Variants in ESR2 observed in about 807,000 individuals in gnomAD.
The protein encoded by ESR2 is estrogen receptor 2, also known as estrogen receptor beta.
A neutral mutation model predicts 49.6 loss-of-function variants in ESR2; 36 were observed. The ratio of observed to expected loss-of-function variants is 0.73; its 90% CI spans 0.56 to 0.96. ESR2 has a LOEUF of 0.96. ESR2 is among the 40% of genes least tolerant of loss of function. The probability of loss-of-function intolerance (pLI) is 0.00; values close to 1 mark genes in which losing one functional copy is unlikely to be tolerated. For synonymous variants in ESR2, 320 were observed against 266.1 expected, an observed-to-expected ratio of 1.20 and a Z score of -1.97; for missense variants, 714 against 693.0, an observed-to-expected ratio of 1.03 and a Z score of -0.34.
chr14:64,253,473 G>A (rs151216263), intron 6 of ESR2, among the ~76,000 whole-genome samples: 79 of 152,244 alleles, frequency 5.2e-4, no homozygotes, highest in African/African-American at 1.8e-3. Context: ...TTACAGGCGT[G>A]AGCCACCGTG....
intron 7 of ESR2, among the ~76,000 whole-genome samples, chr14:64,237,887 T>A (rs1208941559): frequency 6.6e-6 from 1 of 151,656 alleles, no homozygotes; most frequent in Admixed American, 6.6e-5. Context: ...GGATAGGGAG[T>A]GGGAAATGAT....
At chr14:64,279,846 T>C in intron 3 of ESR2, 135 bp downstream of exon 3, 1 of 745,668 alleles carries the variant, frequency 1.3e-6, no homozygotes, top group East Asian at 2.5e-5. Context: ...CAAACACACA[T>C]GATCCTCTGA....
Position 64,313,986 on chromosome 14 carries a change from C to T in ESR2, c.-91+23912G>A, listed in dbSNP as rs544792118. Among the ~76,000 whole-genome samples the T allele has an allele frequency of 3.9e-5, 6 of 152,060 alleles. No individual in the cohort carries two copies. The East Asian group carries it at 5.8e-4, about 15-fold the overall frequency. Reference sequence around the variant, plus strand: ...GATAGAATGAGATAGATAATCAGCACGAACATAGAAAAACTCAACCACACC... The same window carrying T: ...GATAGAATGAGATAGATAATCAGCATGAACATAGAAAAACTCAACCACACC... On this transcript the variant is annotated intron_variant, in intron 1 of 8. Coordinates refer to the ESR2 transcript ENST00000358599.
chr14:64,290,892 C>G (rs1223620471), intron 1 of ESR2, among the ~76,000 whole-genome samples: 1 of 152,016 alleles, frequency 6.6e-6, no homozygotes, highest in Non-Finnish European at 1.5e-5. Flanking sequence ...TCCTAGTAAC[C>G]AATTGGCGCT....
rs903342336 is a variant in ESR2 at position 64,282,884 on chromosome 14, G to A, written c.102C>T (p.Ser34=). The part of the protein sequence containing the change: ...PLEHGSIYIP[S]SYVDSHHEYP... ...ATTCATGGTGGCTGTCTACATAGGA[G>A]GAAGGTATGTATATGGAGCCGTGCT... Residue 34 remains serine, a synonymous_variant, in exon 2 of 9, where the codon TCC becomes TCT. Transcript: ENST00000341099. 6.2e-7 allele frequency: 1 copy of A among 1,614,078 alleles called. No individual in the cohort carries two copies. Among genetic ancestry groups the A allele is most frequent in the African/African-American group, 1.3e-5 (1 of 74,930 alleles).
chr14:64,273,944 T>TTC lies in ESR2; in HGVS notation c.536-5034_536-5033insGA, dbSNP rs1207835267. On this transcript the variant is annotated intron_variant, in intron 3 of 8. Transcript: ENST00000341099. ...TGGCTTTTCTTTGCTGAGAGACTTT[T>TTC]TTTTTTTTTTTTTGAGACCTGATCA... Among the ~76,000 whole-genome samples, 6 of 149,476 alleles carry TTC rather than the reference T, an allele frequency of 4.0e-5. No individual in the cohort carries two copies. The East Asian group carries it at 1.2e-3, about 29-fold the overall frequency.
rs1227655282 is a variant in ESR2 at position 64,282,873 on chromosome 14, T to C, written c.113A>G (p.Asp38Gly). ...GSIYIPSSYV[D>G]SHHEYPAMTF... ...CATGGCTGGATATTCATGGTGGCTG[T>C]CTACATAGGAGGAAGGTATGTATAT... Residue 38 changes from aspartate to glycine, a missense_variant, in exon 2 of 9, where the codon GAC becomes GGC. Transcript: ENST00000341099. The C allele has an allele frequency of 6.2e-6, 10 of 1,614,250 alleles. No homozygotes were observed. The highest frequency in any genetic ancestry group is 7.6e-6 in the Non-Finnish European group (9 of 1,180,036).
At chr14:64,240,970 C>G (rs1432661975) in intron 7 of ESR2, among the ~76,000 whole-genome samples, 1 of 151,488 alleles carries the variant, frequency 6.6e-6, no homozygotes, top group Non-Finnish European at 1.5e-5. Flanking sequence ...CGGTGAAACC[C>G]CGTCTCTACT....
At chr14:64,265,864 G>C (rs1405170932) in intron 4 of ESR2, among the ~76,000 whole-genome samples, 1 of 152,140 alleles carries the variant, frequency 6.6e-6, no homozygotes, top group African/African-American at 2.4e-5. Flanking sequence ...CCAACAAGCA[G>C]GTAGAATCTC....
chr14:64,310,136 G>A (rs1327783005), intron 1 of ESR2, among the ~76,000 whole-genome samples: 2 of 151,666 alleles, frequency 1.3e-5, no homozygotes, highest in Non-Finnish European at 2.9e-5. Context: ...AGCCGAGCAC[G>A]CTGGCAGGTG....
At chr14:64,235,217 G>C in intron 7 of ESR2, 67 bp from the exon 8 acceptor site, 1 of 1,536,988 alleles carries the variant, frequency 6.5e-7, no homozygotes, top group Non-Finnish European at 8.9e-7. Context: ...GTGCTCAGCT[G>C]TTCCGTGCGC....
chr14:64,266,255 G>A (rs1365764965), intron 4 of ESR2, among the ~76,000 whole-genome samples: 1 of 150,840 alleles, frequency 6.6e-6, no homozygotes, highest in Non-Finnish European at 1.5e-5. Context: ...TTGAGTGTCA[G>A]ATATTGTGCT....
intron 5 of ESR2, 119 bp from the exon 6 acceptor site, chr14:64,257,483 T>G: frequency 7.9e-7 from 1 of 1,262,486 alleles, no homozygotes; most frequent in Non-Finnish European, 1.1e-6. Context: ...AGGGAGTTGA[T>G]ATTTTATAGA....
intron 3 of ESR2, among the ~76,000 whole-genome samples, chr14:64,271,950 T>C (rs1468840915): frequency 6.6e-6 from 1 of 152,220 alleles, no homozygotes; most frequent in Non-Finnish European, 1.5e-5. Context: ...ATATGGTAGC[T>C]CTATTTGTAG....
chr14:64,284,014 C>A (rs1596456650), intron 1 of ESR2, among the ~76,000 whole-genome samples: 1 of 151,848 alleles, frequency 6.6e-6, no homozygotes, highest in East Asian at 2.0e-4. Flanking sequence ...CAACCTCCTG[C>A]CTCCCAGGTT....
chr14:64,328,307 T>C (rs904063095), intron 1 of ESR2, among the ~76,000 whole-genome samples: 1 of 151,986 alleles, frequency 6.6e-6, no homozygotes, highest in African/African-American at 2.4e-5. Context: ...TAGTCCCAGG[T>C]ACTCAGGAGG....
chr14:64,258,458 C>T (rs2076149541), intron 5 of ESR2, among the ~76,000 whole-genome samples: 1 of 152,074 alleles, frequency 6.6e-6, no homozygotes, highest in East Asian at 1.9e-4. Flanking sequence ...TGGTTCGAAC[C>T]CCAGCTCAGC....
At chr14:64,245,043 A>AT (rs200728784) in intron 7 of ESR2, among the ~76,000 whole-genome samples, 9 of 151,052 alleles carry the variant, frequency 6.0e-5, no homozygotes, top group South Asian at 4.2e-4. Context: ...TTCCATCCCT[A>AT]TTTTTTTTTA....
At chr14:64,314,505 A>G (rs2077227598) in intron 1 of ESR2, among the ~76,000 whole-genome samples, 1 of 151,782 alleles carries the variant, frequency 6.6e-6, no homozygotes, top group South Asian at 2.1e-4. Context: ...AATAATAAAA[A>G]TAAGAACAAA....
Sources: allele counts gnomAD v4.1 joint callset (sites outside exome capture counted in the v4.1 genomes callset), GRCh38; gene constraint gnomAD v4.1.1; transcripts MANE v1.5; gene names NCBI Gene and HGNC (gene_info 2026-07-23, HGNC 2026-07-21).